The following IKZF1 variants were observed in gnomAD, a reference collection of about 807,000 sequenced individuals.
IKZF1 encodes the protein IKAROS family zinc finger 1, also known as DNA-binding protein Ikaros.
In IKZF1, 10 loss-of-function variants were observed where a neutral mutation model predicts 51.7. The ratio of observed to expected loss-of-function variants is 0.19; its 90% confidence interval spans 0.12 to 0.33. The LOEUF is 0.33. IKZF1 is among the 10% of genes least tolerant of loss of function. IKZF1 has a pLI of 1.00. For synonymous variants in IKZF1, 280 were observed against 282.3 expected (o/e 0.99, Z 0.08); for missense variants, 484 against 707.5 (o/e 0.68, Z 3.58).
At chr7:50,367,706 A>T in intron 3 of IKZF1, 1 of 274,792 alleles carries the variant, frequency 3.6e-6, no homozygotes, top group Non-Finnish European at 6.9e-6. Flanking sequence ...ATGGTTTCTC[A>T]CAGTTCTAGA....
At chr7:50,328,282 A>G (rs1795595232) in intron 3 of IKZF1, 1 of 152,318 alleles carries the variant, frequency 6.6e-6, no homozygotes. Flanking sequence ...TACCTTTTCC[A>G]TAAAAAAGTG....
At chr7:50,341,837 T>A (rs1020806694) in intron 3 of IKZF1, among the ~76,000 whole-genome samples, 243 of 152,346 alleles carry the variant, frequency 1.6e-3, no homozygotes, top group African/African-American at 5.3e-3. Context: ...GGATGTATTT[T>A]TTTTTTATCT....
In IKZF1 at chr7:50,404,064, GA is replaced by G; in HGVS notation, c.*3443del. The G allele has an allele frequency of 4.6e-6, 1 of 215,338 alleles. No individual in the cohort carries two copies. Among genetic ancestry groups the G allele is most frequent in the East Asian group, 6.9e-5 (1 of 14,512 alleles). The allele number at this position is 215,338 out of a possible 1,614,324, so 13.3% of individuals were successfully genotyped here. On this transcript the variant is annotated 3_prime_UTR_variant, in exon 8 of 8. Transcript: ENST00000331340. ...ACTTATTTAAGATGTACAGGCATCA[GA>G]AAAAAGAAGCACATAATGCTTTTGG... is the stretch of plus-strand genomic sequence containing the variant.
chr7:50,382,509 G>A (rs898458584), intron 4 of IKZF1, 31 bp from the exon 5 acceptor site: 11 of 1,599,768 alleles, frequency 6.9e-6, no homozygotes, highest in Admixed American at 1.7e-5. Context: ...GCTGAGTTTA[G>A]TTCTCACCAG....
chr7:50,325,501 G>A (rs879483627), intron 2 of IKZF1, among the ~76,000 whole-genome samples: 8 of 152,158 alleles, frequency 5.3e-5, no homozygotes, highest in Admixed American at 1.3e-4. Context: ...TAGGCCGGGC[G>A]CAGTGGCTCA....
chr7:50,316,825 G>A (rs932730237), intron 1 of IKZF1, among the ~76,000 whole-genome samples: 4 of 152,216 alleles, frequency 2.6e-5, no homozygotes, highest in Non-Finnish European at 5.9e-5. Context: ...GGTGTTGGTT[G>A]GAAGAGCCTT....
chr7:50,307,232 A>G (rs1789027327), intron 1 of IKZF1, among the ~76,000 whole-genome samples: 1 of 152,144 alleles, frequency 6.6e-6, no homozygotes, highest in Non-Finnish European at 1.5e-5. Context: ...TTAACGAAGA[A>G]TTCATCAAGG....
intron 1 of IKZF1, among the ~76,000 whole-genome samples, chr7:50,317,512 C>T (rs937584545): frequency 2.0e-5 from 3 of 152,150 alleles, no homozygotes; most frequent in Non-Finnish European, 4.4e-5. Context: ...CACATGCTTG[C>T]ATCTGGGCTA....
At chr7:50,354,929 C>CA (rs1311649514) in intron 3 of IKZF1, among the ~76,000 whole-genome samples, 2 of 152,114 alleles carry the variant, frequency 1.3e-5, no homozygotes, top group African/African-American at 2.4e-5. Flanking sequence ...GCTTCAGCGT[C>CA]AAAAACGTCA....
At chr7:50,333,176 TC>T in intron 3 of IKZF1, among the ~76,000 whole-genome samples, 1 of 152,256 alleles carries the variant, frequency 6.6e-6, no homozygotes, top group South Asian at 2.1e-4. Flanking sequence ...TCTTTTTTAT[TC>T]ATTCAATTGA....
intron 5 of IKZF1, among the ~76,000 whole-genome samples, chr7:50,385,132 C>T (rs553471329): frequency 5.9e-5 from 9 of 152,228 alleles, no homozygotes; most frequent in African/African-American, 1.2e-4. Flanking sequence ...TCTGGATCCA[C>T]GGATGAGCAA....
intron 7 of IKZF1, among the ~76,000 whole-genome samples, chr7:50,398,443 T>G (rs1390550593): frequency 6.6e-6 from 1 of 152,200 alleles, no homozygotes; most frequent in Admixed American, 6.5e-5. Context: ...CCTTCAGAAC[T>G]TTCCTTCTTG....
chr7:50,392,409 A>G (rs1815381696), intron 7 of IKZF1, among the ~76,000 whole-genome samples: 1 of 152,108 alleles, frequency 6.6e-6, no homozygotes, highest in South Asian at 2.1e-4. Context: ...AAGAAGAAGA[A>G]CAAGACCATT....
chr7:50,396,098 CCTTT>C (rs1390525021), intron 7 of IKZF1, among the ~76,000 whole-genome samples: 1 of 151,938 alleles, frequency 6.6e-6, no homozygotes, highest in Non-Finnish European at 1.5e-5. Context: ...CTAGAGAGTC[CCTTT>C]TTTTTCTCTT....
Position 50,401,034 on chromosome 7 carries a change from G to A in IKZF1, c.*407G>A, listed in dbSNP as rs1054765271. The A allele has an allele frequency of 1.2e-5, 4 of 320,400 alleles. No homozygotes were observed. The highest frequency in any genetic ancestry group is 8.7e-5 in the African/African-American group (4 of 46,082). 19.8% of individuals were successfully genotyped at this position (320,400 alleles called of 1,614,324 possible). A position where few individuals can be genotyped will look rare whatever the true frequency, so the allele number is the denominator to read the frequency against. ...TAAGCACGGGGTTCGCGCACCAGGT[G>A]TCTTTTTCCAGTCCCCAGAAGCAGA... On this transcript the variant is annotated 3_prime_UTR_variant, in exon 8 of 8. Coordinates refer to ENST00000331340, the MANE Select transcript of IKZF1 (RefSeq NM_006060.6).
intron 3 of IKZF1, among the ~76,000 whole-genome samples, chr7:50,347,443 C>A (rs1174634870): frequency 1.3e-5 from 2 of 152,062 alleles, no homozygotes; most frequent in South Asian, 4.2e-4. Context: ...GACTTTGAAC[C>A]AAGCTTAAAG....
intron 3 of IKZF1, chr7:50,328,079 A>G (rs1795543803): frequency 4.4e-6 from 1 of 228,040 alleles, no homozygotes; most frequent in Non-Finnish European, 8.6e-6. Context: ...TGGATTGTAG[A>G]TCGTGAAAAT....
chr7:50,392,274 T>TG (rs1012363278), intron 7 of IKZF1, among the ~76,000 whole-genome samples: 2 of 152,242 alleles, frequency 1.3e-5, no homozygotes, highest in African/African-American at 2.4e-5. Flanking sequence ...GCTCCCCTTA[T>TG]GGGGGACTCT....
At chr7:50,398,423 G>GC (rs1817281200) in intron 7 of IKZF1, among the ~76,000 whole-genome samples, 1 of 152,068 alleles carries the variant, frequency 6.6e-6, no homozygotes, top group Non-Finnish European at 1.5e-5. Context: ...ACACCTCCCA[G>GC]CCCCTTCTCC....
Sources: gnomAD v4.1 joint callset for allele counts (sites outside exome capture counted in the v4.1 genomes callset) on GRCh38, gnomAD v4.1.1 for gene constraint, MANE v1.5 for transcripts, NCBI Gene and HGNC (gene_info 2026-07-23, HGNC 2026-07-21) for gene names.